RDX: variants seen among roughly 807,000 people sequenced by gnomAD.
RDX encodes radixin, also known as deafness, autosomal recessive 24.
Under a neutral mutation model 83.7 loss-of-function variants are expected in RDX, and 32 were observed. The ratio of observed to expected loss-of-function variants is 0.38; its 90% CI spans 0.29 to 0.51. The LOEUF is 0.51. RDX is among the 20% of genes least tolerant of loss of function. The pLI is 0.87. For missense variants in RDX, 600 were observed against 689.9 expected, an observed-to-expected ratio of 0.87 and a Z score of 1.46; for synonymous variants, 229 against 222.7, an observed-to-expected ratio of 1.03 and a Z score of -0.25.
At chr11:110,272,697 A>G (rs1045188630) in intron 2 of RDX, 78 bp from the exon 3 acceptor site, 32 of 920,806 alleles carry the variant, frequency 3.5e-5, no homozygotes, top group Non-Finnish European at 5.0e-5. Flanking sequence ...TTTCTTTATT[A>G]AAGTGATAAA....
At chr11:110,240,539 C>T (rs1334551370) in intron 10 of RDX, among the ~76,000 whole-genome samples, 5 of 150,868 alleles carry the variant, frequency 3.3e-5, no homozygotes, top group Non-Finnish European at 4.4e-5. Flanking sequence ...GTCAGGAGAT[C>T]GAGACCATCC....
At chr11:110,272,679 T>G (rs1398415106) in intron 2 of RDX, 60 bp from the exon 3 acceptor site, 8 of 1,127,570 alleles carry the variant, frequency 7.1e-6, no homozygotes, top group Non-Finnish European at 1.1e-5. Context: ...TGAGAAAACT[T>G]TTATGATTTT....
At chr11:110,279,869 CAAG>C in intron 1 of RDX, 113 bp from the exon 2 acceptor site, 1 of 539,982 alleles carries the variant, frequency 1.9e-6, no homozygotes, top group Non-Finnish European at 3.3e-6. Context: ...TTTAAAGTAA[CAAG>C]GAGTGATTTC....
intron 11 of RDX, among the ~76,000 whole-genome samples, 157 bp downstream of exon 11, chr11:110,237,335 T>C (rs540251043): frequency 2.0e-5 from 3 of 152,170 alleles, no homozygotes; most frequent in South Asian, 4.1e-4. Flanking sequence ...AGAAATAAAT[T>C]TTCTAGGTTT....
At chr11:110,262,355 C>G (rs1225193156) in intron 5 of RDX, among the ~76,000 whole-genome samples, 1 of 151,952 alleles carries the variant, frequency 6.6e-6, no homozygotes, top group Non-Finnish European at 1.5e-5. Context: ...GAGGCCGAAG[C>G]GGGTGGATCA....
chr11:110,201,544 ATT>A (rs61701293), intron 14 of RDX, among the ~76,000 whole-genome samples: 58,863 of 151,856 alleles, frequency 0.39, 11,640 homozygotes, highest in East Asian at 0.6. Flanking sequence ...AGATGACAGT[ATT>A]TTAGCTGAAG....
At chr11:110,249,788 C>T (rs1591150620) in intron 9 of RDX, among the ~76,000 whole-genome samples, 1 of 152,160 alleles carries the variant, frequency 6.6e-6, no homozygotes, top group South Asian at 2.1e-4. Context: ...GTGCGAGGAT[C>T]ACTTGTGTCC....
intron 10 of RDX, among the ~76,000 whole-genome samples, chr11:110,243,918 T>C (rs1422336803): frequency 6.6e-6 from 1 of 152,108 alleles, no homozygotes; most frequent in South Asian, 2.1e-4. Context: ...CAGGGTAATA[T>C]GGTACAGTCA....
chr11:110,185,679 A>G (rs1360791683), intron 15 of RDX: 1 of 152,266 alleles, frequency 6.6e-6, no homozygotes, highest in Non-Finnish European at 1.5e-5. Flanking sequence ...GACCACCTTC[A>G]TCCTTGATAA....
At chr11:110,183,560 G>A (rs1353882371) in intron 15 of RDX, among the ~76,000 whole-genome samples, 5 of 152,188 alleles carry the variant, frequency 3.3e-5, no homozygotes. Flanking sequence ...CTAGTCTCAA[G>A]CGATCCTTCT....
chr11:110,275,749 T>C (rs960698977), intron 2 of RDX, among the ~76,000 whole-genome samples: 1 of 151,736 alleles, frequency 6.6e-6, no homozygotes, highest in Non-Finnish European at 1.5e-5. Flanking sequence ...AATTTATAAA[T>C]ATTTTACACA....
intron 15 of RDX, among the ~76,000 whole-genome samples, chr11:110,197,444 T>A (rs188935754): frequency 7.2e-4 from 109 of 152,350 alleles, no homozygotes; most frequent in African/African-American, 2.6e-3. Context: ...CTGGAGGATG[T>A]GGCAATCACC....
At chr11:110,289,979 A>AAAAAAAAAAAAAAAAAAAC (rs1555049799) in intron 1 of RDX, among the ~76,000 whole-genome samples, 2 of 144,712 alleles carry the variant, frequency 1.4e-5, no homozygotes, top group African/African-American at 5.4e-5. Context: ...AAAAAAAAAA[A>AAAAAAAAAAAAAAAAAAAC]AAACAAGGGT....
In RDX at chr11:110,244,128, A is replaced by T. The variant is rs76592008; in HGVS notation, c.1090+3575T>A. Among the ~76,000 whole-genome samples, 1,012 of 152,254 alleles carry T rather than the reference A, an allele frequency of 6.6e-3. 14 individuals are homozygous for T. Among genetic ancestry groups the T allele is most frequent in the African/African-American group, 0.024 (978 of 41,548 alleles). The stretch of plus-strand genomic sequence containing the variant: ...AAAAACATCAGATTTCAAACAAATA[A>T]ATAAAATATACCATATCCATAAAAT... On this transcript the variant is annotated intron_variant, in intron 10 of 13. Coordinates refer to ENST00000645495, the MANE Select transcript of RDX (RefSeq NM_002906.4).
intron 5 of RDX, among the ~76,000 whole-genome samples, chr11:110,261,159 T>C (rs1473063650): frequency 6.6e-6 from 1 of 152,198 alleles, no homozygotes; most frequent in Non-Finnish European, 1.5e-5. Context: ...CATATGCAAA[T>C]AAATACCAGA....
chr11:110,175,776 G>A (rs1862760982), intron 15 of RDX, among the ~76,000 whole-genome samples: 2 of 152,230 alleles, frequency 1.3e-5, no homozygotes, highest in South Asian at 2.1e-4. Context: ...ATACAATTTG[G>A]TAACTACATG....
chr11:110,275,176 T>C (rs909919707), intron 2 of RDX, among the ~76,000 whole-genome samples: 2 of 152,340 alleles, frequency 1.3e-5, no homozygotes, highest in South Asian at 4.1e-4. Context: ...TTTCTGTACA[T>C]GGCATGTGCA....
intron 1 of RDX, among the ~76,000 whole-genome samples, chr11:110,290,455 T>C (rs1303965393): frequency 6.6e-6 from 1 of 151,068 alleles, no homozygotes; most frequent in Non-Finnish European, 1.5e-5. Context: ...AAGGTCACAG[T>C]GAGCTATAAT....
downstream of RDX, among the ~76,000 whole-genome samples, chr11:110,225,593 A>T (rs1164099445): frequency 6.6e-6 from 1 of 152,224 alleles, no homozygotes. Context: ...TAGGATGGCT[A>T]TCATCGAAAT....
Sources: gnomAD v4.1 joint callset for allele counts (sites outside exome capture counted in the v4.1 genomes callset) on GRCh38, gnomAD v4.1.1 for gene constraint, MANE v1.5 for transcripts, NCBI Gene and HGNC (gene_info 2026-07-23, HGNC 2026-07-21) for gene names.